AKT3: variants seen among roughly 807,000 people sequenced by gnomAD.
AKT3 encodes AKT serine/threonine kinase 3.
A neutral mutation model predicts 65.3 loss-of-function variants in AKT3; 15 were observed. The ratio of observed to expected loss-of-function variants is 0.23; its 90% CI spans 0.15 to 0.35. AKT3 has a LOEUF of 0.35. AKT3 is among the 10% of genes least tolerant of loss of function. The pLI, the probability that AKT3 is intolerant of heterozygous loss-of-function variation, is 1.00. For synonymous variants in AKT3, 206 were observed against 183.8 expected, an observed-to-expected ratio of 1.12 and a Z score of -0.98; for missense variants, 243 against 576.5, an observed-to-expected ratio of 0.42 and a Z score of 5.92.
At chr1:243,581,560 A>G (rs903900132) in intron 8 of AKT3, among the ~76,000 whole-genome samples, 26 of 152,152 alleles carry the variant, frequency 1.7e-4, no homozygotes, top group African/African-American at 6.3e-4. Context: ...AAAATATATA[A>G]TAACATTATA....
chr1:243,680,511 A>C (rs186232536), intron 3 of AKT3, among the ~76,000 whole-genome samples: 1 of 152,110 alleles, frequency 6.6e-6, no homozygotes, highest in African/African-American at 2.4e-5. Flanking sequence ...TATCTTTCCT[A>C]AATTCCAAGG....
At chr1:243,623,607 C>T (rs1330840022) in intron 6 of AKT3, among the ~76,000 whole-genome samples, 1 of 152,144 alleles carries the variant, frequency 6.6e-6, no homozygotes, top group Non-Finnish European at 1.5e-5. Context: ...GAACTCTAGG[C>T]TCTCTGACAT....
chr1:243,514,805 G>A (rs957382741), intron 12 of AKT3, among the ~76,000 whole-genome samples: 3 of 152,046 alleles, frequency 2.0e-5, no homozygotes, highest in Non-Finnish European at 4.4e-5. Context: ...CAACCCGGCC[G>A]GGGCGAACGA....
At chr1:243,508,375 CACAG>C (rs940909029) in intron 13 of AKT3, among the ~76,000 whole-genome samples, 21 of 152,212 alleles carry the variant, frequency 1.4e-4, no homozygotes, top group African/African-American at 4.8e-4. Flanking sequence ...TGCTGAGCCA[CACAG>C]ACAGCAGGAG....
At position 243,501,776 on chromosome 1, in the gene AKT3, T is replaced by C. The variant is rs954959762; in HGVS notation, c.*3473A>G. ...TAAACAGAGAAGTAGCAGATTGACA[T>C]AGTGCTTTATTTAAGCTGTCTGTAC... On this transcript the variant is annotated 3_prime_UTR_variant, in exon 14 of 14. Transcript: ENST00000673466. 2.1e-5 allele frequency: 5 copies of C among 232,800 alleles called. No homozygotes were observed. The highest frequency in any genetic ancestry group is 5.6e-5 in the Admixed American group (1 of 17,758). The allele number at this position is 232,800 out of a possible 1,614,324, so 14.4% of individuals were successfully genotyped here.
At chr1:243,642,460 C>T (rs375027160) in intron 5 of AKT3, among the ~76,000 whole-genome samples, 2 of 152,194 alleles carry the variant, frequency 1.3e-5, no homozygotes, top group South Asian at 4.1e-4. Flanking sequence ...CAGGCGCCCG[C>T]CACCACGCCT....
At chr1:243,659,794 T>A (rs1682135853) in intron 4 of AKT3, among the ~76,000 whole-genome samples, 1 of 152,220 alleles carries the variant, frequency 6.6e-6, no homozygotes, top group Non-Finnish European at 1.5e-5. Context: ...CTGGGCAGAA[T>A]ATTAAAAATA....
At chr1:243,529,195 G>T (rs1671353575) in intron 12 of AKT3, among the ~76,000 whole-genome samples, 1 of 136,320 alleles carries the variant, frequency 7.3e-6, no homozygotes, top group African/African-American at 2.7e-5. Flanking sequence ...TATAGATTCT[G>T]AATATTAGAC....
chr1:243,515,486 G>T (rs1291819184), intron 12 of AKT3, among the ~76,000 whole-genome samples: 2 of 150,158 alleles, frequency 1.3e-5, no homozygotes, highest in Non-Finnish European at 3.0e-5. Flanking sequence ...TTTTTTCTTT[G>T]CATCATTTGA....
intron 3 of AKT3, among the ~76,000 whole-genome samples, chr1:243,685,677 T>A (rs1013506245): frequency 6.6e-6 from 1 of 152,050 alleles, no homozygotes; most frequent in Admixed American, 6.6e-5. Flanking sequence ...TTCTTGGCAT[T>A]CCCTTTGAAA....
intron 12 of AKT3, among the ~76,000 whole-genome samples, chr1:243,522,068 C>T (rs949006948): frequency 6.6e-6 from 1 of 152,052 alleles, no homozygotes; most frequent in African/African-American, 2.4e-5. Flanking sequence ...CACTGGGAGC[C>T]TTTTTAAAAG....
At chr1:243,522,012 G>A (rs1284478038) in intron 12 of AKT3, among the ~76,000 whole-genome samples, 1 of 152,210 alleles carries the variant, frequency 6.6e-6, no homozygotes, top group Non-Finnish European at 1.5e-5. Context: ...TATACCTGGA[G>A]AGGATTCACC....
rs140783232 is a variant in AKT3 at position 243,545,602 on chromosome 1, G to T, written c.1164-5C>A. ...TCATCTGGTCCTCCACCAAGGCTAT[G>T]AGAACAGAAATAAAATTAAGTAAGT... On this transcript the variant is annotated splice_polypyrimidine_tract_variant and splice_region_variant and intron_variant, in intron 11 of 13. Transcript: ENST00000673466. 1 of 1,599,534 alleles carries T rather than the reference G, an allele frequency of 6.3e-7. No homozygotes were observed. The highest frequency in any genetic ancestry group is 8.6e-7 in the Non-Finnish European group (1 of 1,168,126).
intron 8 of AKT3, among the ~76,000 whole-genome samples, chr1:243,609,302 A>G (rs1320879003): frequency 6.6e-6 from 1 of 151,256 alleles, no homozygotes; most frequent in Non-Finnish European, 1.5e-5. Flanking sequence ...ATTTCCTACT[A>G]AAGTTATTAA....
intron 2 of AKT3, among the ~76,000 whole-genome samples, chr1:243,732,728 A>G (rs1448828463): frequency 6.6e-6 from 1 of 152,220 alleles, no homozygotes; most frequent in African/African-American, 2.4e-5. Context: ...AGTGCACCAG[A>G]CTGCAGCTAA....
intron 8 of AKT3, among the ~76,000 whole-genome samples, chr1:243,574,570 A>C (rs1674802629): frequency 1.3e-5 from 2 of 152,156 alleles, no homozygotes; most frequent in African/African-American, 2.4e-5. Context: ...AGAAATGTTA[A>C]GTATGTCTTC....
At chr1:243,674,049 G>C (rs566889137) in intron 3 of AKT3, among the ~76,000 whole-genome samples, 2 of 152,198 alleles carry the variant, frequency 1.3e-5, no homozygotes, top group Admixed American at 1.3e-4. Context: ...TTGATTTCTG[G>C]TACTATGCCT....
chr1:243,585,511 C>A (rs1279088500), intron 8 of AKT3, among the ~76,000 whole-genome samples: 1 of 152,000 alleles, frequency 6.6e-6, no homozygotes, highest in Non-Finnish European at 1.5e-5. Flanking sequence ...CTACAGCAAC[C>A]AAAACAGCAT....
At chr1:243,672,297 T>C (rs1429991561) in intron 3 of AKT3, among the ~76,000 whole-genome samples, 2 of 152,204 alleles carry the variant, frequency 1.3e-5, no homozygotes, top group Non-Finnish European at 2.9e-5. Context: ...GTTCTTTCAC[T>C]GCTGGCTCTC....
Sources: allele counts gnomAD v4.1 joint callset (sites outside exome capture counted in the v4.1 genomes callset), GRCh38; gene constraint gnomAD v4.1.1; transcripts MANE v1.5; gene names NCBI Gene and HGNC (gene_info 2026-07-23, HGNC 2026-07-21).